Variants in GPHN observed in about 807,000 individuals in gnomAD.
The protein encoded by GPHN is gephyrin.
In GPHN, 17 loss-of-function variants were observed where a neutral mutation model predicts 95.5. The observed-to-expected ratio is 0.18, with a 90% CI of 0.12 to 0.27. The LOEUF (loss-of-function observed/expected upper bound fraction) is 0.27, where lower values mean the gene tolerates loss of function less well. Among genes scored for constraint, GPHN ranks in the 10% least tolerant of loss-of-function variants. GPHN has a pLI of 1.00. For missense variants in GPHN, 660 were observed against 978.1 expected, an observed-to-expected ratio of 0.67 and a Z score of 4.34; for synonymous variants, 320 against 322.5, an observed-to-expected ratio of 0.99 and a Z score of 0.08.
chr14:67,399,728 G>C, the GPHN span, among the ~76,000 whole-genome samples: 1 of 121,456 alleles, frequency 8.2e-6, no homozygotes, highest in African/African-American at 4.1e-5. Context: ...GTTTAGGTGG[G>C]TCTCAGGTGG....
At chr14:66,643,406 T>G (rs959882037) in intron 1 of GPHN, among the ~76,000 whole-genome samples, 3 of 152,140 alleles carry the variant, frequency 2.0e-5, no homozygotes, top group Non-Finnish European at 4.4e-5. Flanking sequence ...AAGGAAAGTT[T>G]GCTTAAGTTT....
At chr14:67,670,347 C>T in the GPHN span, among the ~76,000 whole-genome samples, 91 of 152,226 alleles carry the variant, frequency 6.0e-4, no homozygotes, top group Non-Finnish European at 2.9e-4. Flanking sequence ...ACTACTTTCC[C>T]ACATACATTC....
chr14:67,621,131 A>G, the GPHN span, among the ~76,000 whole-genome samples: 1 of 152,206 alleles, frequency 6.6e-6, no homozygotes, highest in Non-Finnish European at 1.5e-5. Flanking sequence ...AGGAGTCATC[A>G]GGGAAAGTCT....
the GPHN span, chr14:67,383,632 C>A: frequency 2.9e-6 from 2 of 681,008 alleles, no homozygotes; most frequent in Non-Finnish European, 4.8e-6. Flanking sequence ...ACAGTAGCTC[C>A]AACACTTTGA....
At chr14:66,569,953 C>T (rs1273685828) in intron 1 of GPHN, among the ~76,000 whole-genome samples, 1 of 152,130 alleles carries the variant, frequency 6.6e-6, no homozygotes, top group Non-Finnish European at 1.5e-5. Flanking sequence ...TCTCATCCTC[C>T]ATCCCTAGCC....
chr14:67,372,554 G>C, the GPHN span, among the ~76,000 whole-genome samples: 2 of 152,110 alleles, frequency 1.3e-5, 1 homozygote, highest in African/African-American at 4.8e-5. Context: ...ATCTAGGCTG[G>C]GAGCGGTGGC....
the GPHN span, among the ~76,000 whole-genome samples, chr14:67,532,967 G>A: frequency 1.3e-5 from 2 of 152,082 alleles, no homozygotes; most frequent in African/African-American, 4.8e-5. Context: ...CCTCCTCGGA[G>A]AGCTCCGGGC....
intron 5 of GPHN, among the ~76,000 whole-genome samples, chr14:66,904,457 G>A (rs1224981491): frequency 6.6e-6 from 1 of 152,116 alleles, no homozygotes; most frequent in Non-Finnish European, 1.5e-5. Flanking sequence ...ACTGATTGGT[G>A]TATTTTACAA....
At chr14:67,449,000 A>T in the GPHN span, among the ~76,000 whole-genome samples, 1 of 152,188 alleles carries the variant, frequency 6.6e-6, no homozygotes, top group Admixed American at 6.5e-5. Context: ...AGGTGTCACG[A>T]CAGAAAAGTC....
Position 67,122,251 on chromosome 14 carries a change from T to C in GPHN, c.1627-5T>C. The C allele has an allele frequency of 6.2e-7, 1 of 1,613,578 alleles. No individual in the cohort carries two copies. Among genetic ancestry groups the C allele is most frequent in the Non-Finnish European group, 8.5e-7 (1 of 1,179,534 alleles). On this transcript the variant is annotated splice_region_variant and splice_polypyrimidine_tract_variant and intron_variant, in intron 16 of 22. Transcript: ENST00000478722. ...ATAATTTGTGGTGGTTTTTTGGCTTTGTAGCTGCTAAATCCTGAAGATGAC... is the reference window on the plus strand; with the variant it reads ...ATAATTTGTGGTGGTTTTTTGGCTTCGTAGCTGCTAAATCCTGAAGATGAC...
At chr14:66,873,282 C>T (rs985289853) in intron 4 of GPHN, among the ~76,000 whole-genome samples, 1 of 152,180 alleles carries the variant, frequency 6.6e-6, no homozygotes, top group Non-Finnish European at 1.5e-5. Flanking sequence ...CCAGGAGATT[C>T]CCTCGGGTGC....
chr14:66,956,913 A>G (rs901850980), intron 8 of GPHN, among the ~76,000 whole-genome samples: 7 of 135,928 alleles, frequency 5.1e-5, no homozygotes, highest in African/African-American at 1.4e-4. Context: ...GAATTGAACA[A>G]TGAGATCACA....
chr14:67,243,555 C>G, the GPHN span, among the ~76,000 whole-genome samples: 1 of 143,242 alleles, frequency 7.0e-6, no homozygotes, highest in South Asian at 2.2e-4. Context: ...TGCAGTGGCG[C>G]AATCTCGGCT....
chr14:67,701,425 C>CTTTTTTTTTTTTTTTTTTT, the GPHN span, among the ~76,000 whole-genome samples: 1 of 71,128 alleles, frequency 1.4e-5, no homozygotes, highest in Non-Finnish European at 2.8e-5. Context: ...ATTATAATTT[C>CTTTTTTTTTTTTTTTTTTT]TTTTTTTTTT....
At chr14:66,929,968 C>T (rs569832526) in intron 8 of GPHN, among the ~76,000 whole-genome samples, 396 of 152,272 alleles carry the variant, frequency 2.6e-3, no homozygotes, top group Admixed American at 8.5e-3. Flanking sequence ...GCCTCGGCCT[C>T]CCAAAGTCCT....
chr14:66,786,154 A>G (rs2059766884), intron 3 of GPHN, among the ~76,000 whole-genome samples: 1 of 152,262 alleles, frequency 6.6e-6, no homozygotes, highest in Non-Finnish European at 1.5e-5. Flanking sequence ...CTACATTGCA[A>G]AGATAAAGGA....
downstream of GPHN, among the ~76,000 whole-genome samples, chr14:67,186,458 A>C (rs2083368975): frequency 6.6e-6 from 1 of 152,210 alleles, no homozygotes; most frequent in Admixed American, 6.5e-5. Context: ...AAAAAAGCAC[A>C]GAGGAAACAC....
At chr14:67,386,123 A>G in the GPHN span, 1 of 152,632 alleles carries the variant, frequency 6.6e-6, no homozygotes, top group African/African-American at 2.4e-5. Flanking sequence ...AACTAAACGT[A>G]GTTTAATTCA....
At chr14:66,553,630 G>A (rs909335424) in intron 1 of GPHN, among the ~76,000 whole-genome samples, 1 of 151,830 alleles carries the variant, frequency 6.6e-6, no homozygotes, top group Non-Finnish European at 1.5e-5. Context: ...AGGCTGGAGT[G>A]CAGTGGTGCG....
Sources: gnomAD v4.1 joint callset for allele counts (sites outside exome capture counted in the v4.1 genomes callset) on GRCh38, gnomAD v4.1.1 for gene constraint, MANE v1.5 for transcripts, NCBI Gene and HGNC (gene_info 2026-07-23, HGNC 2026-07-21) for gene names.